MCM9: variants seen among roughly 807,000 people sequenced by gnomAD.
The protein encoded by MCM9 is DNA helicase MCM9.
Under a neutral mutation model 72.8 loss-of-function variants are expected in MCM9, and 55 were observed. That is an observed-to-expected ratio of 0.76 (90% confidence interval 0.61 to 0.95). The LOEUF (loss-of-function observed/expected upper bound fraction) is 0.95. Among genes scored for constraint, MCM9 ranks in the 40% least tolerant of loss-of-function variants. The pLI, the probability that MCM9 is intolerant of heterozygous loss-of-function variation, is 0.00. For missense variants in MCM9, 1,279 were observed against 1,377.0 expected, an observed-to-expected ratio of 0.93 and a Z score of 1.13; for synonymous variants, 480 against 503.4, an observed-to-expected ratio of 0.95 and a Z score of 0.62.
intron 9 of MCM9, among the ~76,000 whole-genome samples, chr6:118,855,494 T>C (rs1370985494): frequency 6.6e-6 from 1 of 152,196 alleles, no homozygotes; most frequent in Non-Finnish European, 1.5e-5. Context: ...GTATCTTTTC[T>C]GGTGGGCTAT....
intron 9 of MCM9, among the ~76,000 whole-genome samples, chr6:118,855,533 C>T (rs1026241766): frequency 2.0e-5 from 3 of 152,222 alleles, no homozygotes; most frequent in Non-Finnish European, 2.9e-5. Flanking sequence ...CCCTCTACCT[C>T]ACTCCTCCAT....
intron 9 of MCM9, among the ~76,000 whole-genome samples, chr6:118,854,086 C>T (rs530612064): frequency 6.6e-6 from 1 of 152,218 alleles, no homozygotes; most frequent in South Asian, 2.1e-4. Flanking sequence ...ATACATTGAC[C>T]TTTTAAGATT....
At chr6:118,828,258 T>C in intron 10 of MCM9, 128 bp from the exon 11 acceptor site, 1 of 725,952 alleles carries the variant, frequency 1.4e-6, no homozygotes, top group South Asian at 1.9e-5. Context: ...TATTGAAATC[T>C]AGACTTGTCT....
rs367974665 is a variant in MCM9 at position 118,814,596 on chromosome 6, ATAAT to A, written c.*224_*227del. The A allele has an allele frequency of 2.6e-6, 1 of 380,442 alleles. No individual in the cohort carries two copies. The highest frequency in any genetic ancestry group is 2.1e-5 in the African/African-American group (1 of 48,436). The allele number at this position is 380,442 out of a possible 1,614,324, so 23.6% of individuals were successfully genotyped here. On this transcript the variant is annotated 3_prime_UTR_variant, in exon 14 of 14. Transcript: ENST00000619706. ...CTCCATTTGTAAAATTAAGCACAACATAATTAATTCAGCTCAGCTGCTGGTATCA... is the reference window on the plus strand; with the variant it reads ...CTCCATTTGTAAAATTAAGCACAACATAATTCAGCTCAGCTGCTGGTATCA...
chr6:118,923,893 G>C lies in MCM9; in HGVS notation c.539C>G (p.Ser180Cys). ...SSCPSLESCD[S>C]SKFTCLSGLS... ...GCCTGAGAGGCAAGTGAATTTAGAG[G>C]AATCACAGCTCTCCAAGCTGGGACA... The change falls in exon 4 of 14, where the codon TCC becomes TGC. Residue 180 changes from serine (S) to cysteine (C), a missense_variant. By Grantham distance (112) the Ser-to-Cys change is moderately radical. Coordinates refer to ENST00000619706, the MANE Select transcript of MCM9 (RefSeq NM_017696.3). The C allele has an allele frequency of 1.2e-6, 2 of 1,614,166 alleles. No individual in the cohort carries two copies. Among genetic ancestry groups the C allele is most frequent in the South Asian group, 1.1e-5 (1 of 91,086 alleles).
At chr6:118,910,998 A>G (rs1583638349) in intron 8 of MCM9, 2 of 985,382 alleles carry the variant, frequency 2.0e-6, no homozygotes, top group East Asian at 1.1e-4. Flanking sequence ...GAACAGAAAC[A>G]TTACCCAATC....
chr6:118,819,046 A>G (rs538423871), intron 13 of MCM9, among the ~76,000 whole-genome samples: 1 of 152,290 alleles, frequency 6.6e-6, no homozygotes, highest in South Asian at 2.1e-4. Context: ...TTCTAAATAT[A>G]CAATCATGTC....
intron 8 of MCM9, among the ~76,000 whole-genome samples, chr6:118,909,929 C>G (rs1780418623): frequency 6.6e-6 from 1 of 151,944 alleles, no homozygotes; most frequent in Non-Finnish European, 1.5e-5. Context: ...CCAGCCTGGC[C>G]AACATGGTGA....
chr6:118,873,122 T>C (rs1182047864), intron 8 of MCM9, among the ~76,000 whole-genome samples: 2 of 144,848 alleles, frequency 1.4e-5, no homozygotes, highest in African/African-American at 2.6e-5. Flanking sequence ...CAATGAGCTG[T>C]GACTGCACCA....
intron 8 of MCM9, among the ~76,000 whole-genome samples, chr6:118,892,533 G>C (rs1354261940): frequency 6.6e-6 from 1 of 152,172 alleles, no homozygotes; most frequent in Non-Finnish European, 1.5e-5. Flanking sequence ...GCATACACCA[G>C]TCTCACAGGA....
intron 13 of MCM9, among the ~76,000 whole-genome samples, chr6:118,820,143 T>TAC (rs1454547490): frequency 1.3e-5 from 2 of 152,158 alleles, no homozygotes; most frequent in African/African-American, 4.8e-5. Context: ...CTGATCTTAG[T>TAC]TATTTCTTGT....
chr6:118,854,010 T>C (rs1399538988), intron 9 of MCM9, among the ~76,000 whole-genome samples: 1 of 152,234 alleles, frequency 6.6e-6, no homozygotes, highest in African/African-American at 2.4e-5. Context: ...TTGGAGATGC[T>C]ATTATAAATG....
chr6:118,819,275 T>C (rs1773629087), intron 13 of MCM9, among the ~76,000 whole-genome samples: 1 of 152,188 alleles, frequency 6.6e-6, no homozygotes, highest in South Asian at 2.1e-4. Context: ...ATAGCTCTTA[T>C]TATTTTGAGA....
intron 13 of MCM9, among the ~76,000 whole-genome samples, chr6:118,822,689 G>A (rs1339417501): frequency 1.3e-5 from 2 of 152,178 alleles, no homozygotes; most frequent in Non-Finnish European, 2.9e-5. Flanking sequence ...AGAGCTGGCA[G>A]GCAGGAAAGT....
At chr6:118,894,642 G>A (rs369772974) in intron 8 of MCM9, 118 of 856,752 alleles carry the variant, frequency 1.4e-4, no homozygotes, top group Middle Eastern at 3.4e-4. Flanking sequence ...GGGCTGCTCT[G>A]CGGAGGGAAA....
chr6:118,898,089 G>A (rs556746070), intron 8 of MCM9, among the ~76,000 whole-genome samples: 6 of 152,266 alleles, frequency 3.9e-5, no homozygotes, highest in South Asian at 2.1e-4. Flanking sequence ...GAAGAAGCCC[G>A]GGGTTTGTAG....
chr6:118,820,890 C>CT (rs1773757154), intron 13 of MCM9, among the ~76,000 whole-genome samples: 1 of 152,076 alleles, frequency 6.6e-6, no homozygotes, highest in African/African-American at 2.4e-5. Context: ...CCTTCTTTGT[C>CT]TTTTTTGATC....
intron 4 of MCM9, among the ~76,000 whole-genome samples, chr6:118,923,548 A>T (rs1781610959): frequency 6.6e-6 from 1 of 152,184 alleles, no homozygotes; most frequent in Admixed American, 6.5e-5. Flanking sequence ...GCTAGGGTGG[A>T]CTTCTTAAAT....
intron 8 of MCM9, among the ~76,000 whole-genome samples, chr6:118,885,483 G>A (rs748440271): frequency 2.6e-4 from 40 of 152,062 alleles, no homozygotes; most frequent in Non-Finnish European, 4.9e-4. Context: ...AATCAAAGAT[G>A]GGCATTATTA....
Sources: allele counts gnomAD v4.1 joint callset (sites outside exome capture counted in the v4.1 genomes callset), GRCh38; gene constraint gnomAD v4.1.1; transcripts MANE v1.5; gene names NCBI Gene and HGNC (gene_info 2026-07-23, HGNC 2026-07-21).